PLXNA4: variants seen among roughly 807,000 people sequenced by gnomAD.
PLXNA4 encodes the protein plexin-A4.
Under a neutral mutation model 191.8 loss-of-function variants are expected in PLXNA4, and 44 were observed. The observed-to-expected ratio is 0.23, with a 90% CI of 0.18 to 0.29. PLXNA4 has a LOEUF of 0.29. Ranked by LOEUF, PLXNA4 falls within the 10% of genes least tolerant of loss-of-function variation. The pLI, the probability that PLXNA4 is intolerant of heterozygous loss-of-function variation, is 1.00. For missense variants in PLXNA4, 1,800 were observed against 2,488.8 expected, an observed-to-expected ratio of 0.72 and a Z score of 5.89; for synonymous variants, 1,082 against 1,009.5, an observed-to-expected ratio of 1.07 and a Z score of -1.36.
At chr7:132,180,079 G>A (rs888626540) in intron 19 of PLXNA4, among the ~76,000 whole-genome samples, 158 bp from the exon 20 acceptor site, 16 of 152,170 alleles carry the variant, frequency 1.1e-4, no homozygotes, top group African/African-American at 2.4e-4. Flanking sequence ...GGCTGGGAGC[G>A]GGGACAGGCA....
At position 132,187,481 on chromosome 7, in the gene PLXNA4, G is replaced by C. The variant is rs1487050943; in HGVS notation, c.2983C>G (p.Leu995Val). Residue 995 changes from leucine (L) to valine (V), a missense_variant, in exon 15 of 32, where the codon CTC becomes GTC. By Grantham distance (32) the Leu-to-Val change is conservative. This residue lies in a region of PLXNA4 where 1,397 missense variants were observed against 1,880.4 expected (regional missense o/e 0.74). Transcript: ENST00000321063. ...VVVMFGKQPC[L>V]FHRRSPSYIV... Reference sequence around the variant, plus strand: ...GGCCCTCTGAGTTACCTGTGGAAGAGACAGGGCTGCTTTCCAAACATCACC... The same window carrying C: ...GGCCCTCTGAGTTACCTGTGGAAGACACAGGGCTGCTTTCCAAACATCACC... 5 of 1,613,660 alleles carry C rather than the reference G, an allele frequency of 3.1e-6. No homozygotes were observed. The African/African-American group carries it at 6.7e-5, about 22-fold the overall frequency.
At chr7:132,277,213 T>G (rs892321912) in intron 4 of PLXNA4, among the ~76,000 whole-genome samples, 4 of 152,160 alleles carry the variant, frequency 2.6e-5, no homozygotes, top group African/African-American at 9.7e-5. Flanking sequence ...GCACTGTGGC[T>G]TAAGTGGGGG....
At chr7:132,571,737 C>A (rs114149172) in intron 1 of PLXNA4, among the ~76,000 whole-genome samples, 1 of 152,168 alleles carries the variant, frequency 6.6e-6, no homozygotes, top group East Asian at 1.9e-4. Flanking sequence ...GTTGTTTCCA[C>A]AATACTAGCA....
chr7:132,392,451 TCA>T (rs1164403205), intron 3 of PLXNA4, among the ~76,000 whole-genome samples: 1 of 152,194 alleles, frequency 6.6e-6, no homozygotes, highest in Non-Finnish European at 1.5e-5. Flanking sequence ...CAATCTGTCC[TCA>T]CAATCTTTCC....
At chr7:132,327,412 A>G (rs1395124173) in intron 3 of PLXNA4, among the ~76,000 whole-genome samples, 2 of 152,172 alleles carry the variant, frequency 1.3e-5, no homozygotes, top group Non-Finnish European at 2.9e-5. Flanking sequence ...AGGTTCAGGG[A>G]AGGTCATAAT....
intron 3 of PLXNA4, among the ~76,000 whole-genome samples, chr7:132,451,997 T>C (rs1222075337): frequency 6.6e-6 from 1 of 152,140 alleles, no homozygotes; most frequent in Non-Finnish European, 1.5e-5. Flanking sequence ...TACATCACAC[T>C]CCCTGCCCAC....
intron 2 of PLXNA4, among the ~76,000 whole-genome samples, chr7:132,583,181 G>A (rs754209674): frequency 7.2e-5 from 11 of 152,198 alleles, no homozygotes; most frequent in Non-Finnish European, 1.6e-4. Flanking sequence ...TCTGGCACCT[G>A]CCTCTGCCAG....
intron 2 of PLXNA4, among the ~76,000 whole-genome samples, chr7:132,595,056 G>C (rs1438748784): frequency 6.6e-6 from 1 of 151,830 alleles, no homozygotes. Flanking sequence ...TAGATAGAGA[G>C]CTTTGCTAGG....
rs528512636 is a variant in PLXNA4, at chr7:132,647,765, C to T, written c.-203+749G>A. On this transcript the variant is annotated intron_variant, in intron 1 of 4. Transcript: ENST00000378539. The stretch of plus-strand genomic sequence containing the variant: ...GCAATTACACACATACATATACACT[C>T]ACAAACACTATCATATACACACATA... Among the ~76,000 whole-genome samples the T allele has an allele frequency of 2.0e-5, 3 of 151,620 alleles. No individual in the cohort carries two copies. In the South Asian group the frequency reaches 6.3e-4, roughly 32 times the overall value.
chr7:132,326,443 G>T (rs35017059), intron 3 of PLXNA4, among the ~76,000 whole-genome samples: 24 of 152,166 alleles, frequency 1.6e-4, no homozygotes, highest in Non-Finnish European at 2.9e-4. Context: ...GCCCTCGAAT[G>T]GTGGCCCTTG....
intron 2 of PLXNA4, among the ~76,000 whole-genome samples, chr7:132,503,632 G>A (rs982824836): frequency 6.6e-6 from 1 of 152,200 alleles, no homozygotes; most frequent in Admixed American, 6.5e-5. Context: ...GGGGCCTCAG[G>A]GAGCCTGGAT....
chr7:132,146,378 C>T lies in PLXNA4; in HGVS notation c.5055+132G>A, dbSNP rs1795434488. On this transcript the variant is annotated intron_variant, in intron 28 of 31. Coordinates refer to ENST00000321063, the MANE Select transcript of PLXNA4 (RefSeq NM_020911.2). ...TCGGTACGGGGAATGGTCAGCAGTG[C>T]CTCCTGGGGTGGGTAATAGAGTGGG... 2.1e-6 allele frequency: 3 copies of T among 1,450,482 alleles called. No individual in the cohort carries two copies. In the South Asian group the frequency reaches 3.7e-5, roughly 18 times the overall value. 89.9% of individuals were successfully genotyped at this position (1,450,482 alleles called of 1,614,324 possible).
upstream of PLXNA4, chr7:132,577,066 G>T: frequency 6.8e-6 from 1 of 146,612 alleles, no homozygotes; most frequent in South Asian, 1.8e-4. Context: ...GGGGCTGGGG[G>T]GCCGCGGGAG....
intron 1 of PLXNA4, among the ~76,000 whole-genome samples, chr7:132,531,096 T>C (rs1799600408): frequency 6.6e-6 from 1 of 152,202 alleles, no homozygotes; most frequent in African/African-American, 2.4e-5. Context: ...GAGTTATTAA[T>C]GGCAACAGAG....
chr7:132,416,582 C>T (rs1311852267), intron 3 of PLXNA4, among the ~76,000 whole-genome samples: 3 of 152,222 alleles, frequency 2.0e-5, no homozygotes, highest in Non-Finnish European at 4.4e-5. Flanking sequence ...TGATTTCCAA[C>T]ACGTCTTCAC....
At chr7:132,304,382 C>T (rs56308749) in intron 3 of PLXNA4, among the ~76,000 whole-genome samples, 10,568 of 152,178 alleles carry the variant, frequency 0.069, 407 homozygotes, top group African/African-American at 0.093. Context: ...GGGTCACATA[C>T]GTTATTTAAA....
intron 5 of PLXNA4, among the ~76,000 whole-genome samples, chr7:132,232,199 G>A (rs1429541337): frequency 2.0e-5 from 3 of 152,128 alleles, no homozygotes; most frequent in Non-Finnish European, 2.9e-5. Flanking sequence ...GAGAGGCAGG[G>A]GTAGTGGCTT....
At chr7:132,570,915 C>T (rs1801949930) in intron 1 of PLXNA4, among the ~76,000 whole-genome samples, 1 of 152,198 alleles carries the variant, frequency 6.6e-6, no homozygotes, top group Non-Finnish European at 1.5e-5. Flanking sequence ...TCAGTTTGCA[C>T]AGGACTTTAC....
intron 3 of PLXNA4, among the ~76,000 whole-genome samples, chr7:132,439,926 G>A (rs571576694): frequency 6.6e-6 from 1 of 152,058 alleles, no homozygotes; most frequent in African/African-American, 2.4e-5. Context: ...TATGGAATTA[G>A]GATAAATGCT....
Sources: gnomAD v4.1 joint callset for allele counts (sites outside exome capture counted in the v4.1 genomes callset) on GRCh38, gnomAD v4.1.1 for gene constraint, gnomAD v4.1.1 regional missense constraint, MANE v1.5 for transcripts, NCBI Gene and HGNC (gene_info 2026-07-23, HGNC 2026-07-21) for gene names.